Variants in EXOC4 observed in about 807,000 individuals in gnomAD.
The protein encoded by EXOC4 is exocyst complex component 4, also known as SEC8-like 1.
EXOC4 carries 71 observed loss-of-function variants against 107.2 expected under a neutral mutation model. The observed-to-expected ratio is 0.66, with a 90% CI of 0.55 to 0.81. The LOEUF is 0.81. Ranked by LOEUF, EXOC4 falls within the 30% of genes least tolerant of loss-of-function variation. EXOC4 has a pLI of 0.00. For missense variants in EXOC4, 1,108 were observed against 1,189.6 expected (o/e 0.93, Z 1.01); for synonymous variants, 456 against 441.2 (o/e 1.03, Z -0.42).
chr7:133,807,347 A>C (rs150131090), intron 10 of EXOC4, among the ~76,000 whole-genome samples: 1 of 152,332 alleles, frequency 6.6e-6, no homozygotes, highest in East Asian at 1.9e-4. Context: ...CTCTTTGATC[A>C]GGACGTGGTA....
At chr7:133,803,453 C>G (rs561750814) in intron 10 of EXOC4, among the ~76,000 whole-genome samples, 13 of 152,204 alleles carry the variant, frequency 8.5e-5, no homozygotes, top group African/African-American at 2.9e-4. Flanking sequence ...CACCTGATTG[C>G]AGACATTGAC....
In EXOC4 at chr7:133,581,161, AT is replaced by A. The variant is rs539807304; in HGVS notation, c.1418-48881del. Among the ~76,000 whole-genome samples the A allele has an allele frequency of 5.1e-3, 775 of 152,260 alleles. 3 individuals carry two copies. The highest frequency in any genetic ancestry group is 0.011 in the Admixed American group (162 of 15,288). ...GTTTGGACCCCCCAACTGTTCTCTGATTTATTAACACTGGCTCAGAATTATG... is the reference window on the plus strand; with the variant it reads ...GTTTGGACCCCCCAACTGTTCTCTGATTATTAACACTGGCTCAGAATTATG... On this transcript the variant is annotated intron_variant, in intron 9 of 17. Coordinates refer to ENST00000253861, the MANE Select transcript of EXOC4 (RefSeq NM_021807.4).
chr7:133,479,550 G>GC (rs1288230173), intron 8 of EXOC4: 1 of 153,412 alleles, frequency 6.5e-6, no homozygotes, highest in Non-Finnish European at 1.5e-5. Context: ...CTTTTCTGGT[G>GC]CTGTTATTCA....
At chr7:133,780,997 A>C (rs1168631828) in intron 10 of EXOC4, among the ~76,000 whole-genome samples, 1 of 152,210 alleles carries the variant, frequency 6.6e-6, no homozygotes, top group Non-Finnish European at 1.5e-5. Context: ...TGGGTAGATA[A>C]CCTTTTATTA....
chr7:133,794,032 G>A (rs1488379114), intron 10 of EXOC4, among the ~76,000 whole-genome samples: 2 of 151,916 alleles, frequency 1.3e-5, no homozygotes, highest in Non-Finnish European at 2.9e-5. Context: ...CATTTGCTAG[G>A]TCTTTCCCTC....
chr7:133,730,565 A>G (rs1267820849), intron 10 of EXOC4, among the ~76,000 whole-genome samples: 2 of 152,110 alleles, frequency 1.3e-5, no homozygotes, highest in Non-Finnish European at 2.9e-5. Flanking sequence ...CAGATTTCAC[A>G]TTCGCTTTGG....
At chr7:133,284,626 G>C (rs1383730917) in intron 2 of EXOC4, among the ~76,000 whole-genome samples, 1 of 152,142 alleles carries the variant, frequency 6.6e-6, no homozygotes, top group Non-Finnish European at 1.5e-5. Context: ...CCGCCTCCTG[G>C]ATTCATGCAA....
At chr7:133,608,546 CTT>C (rs1161155238) in intron 9 of EXOC4, among the ~76,000 whole-genome samples, 1,853 of 84,974 alleles carry the variant, frequency 0.022, 35 homozygotes, top group African/African-American at 0.082. Flanking sequence ...TGCTGTATTT[CTT>C]TTTTTTTTTT....
rs376353279 is a variant in EXOC4, at chr7:133,814,416, C to G, written c.1515-2909C>G. The stretch of plus-strand genomic sequence containing the variant: ...GTAAATATCCCACAGTTTATTTATT[C>G]CCTAATTGATGAACTTTTAGGTTAT... On this transcript the variant is annotated intron_variant, in intron 10 of 17. Transcript: ENST00000253861. Among the ~76,000 whole-genome samples the G allele has an allele frequency of 9.2e-5, 14 of 152,156 alleles. No individual in the cohort carries two copies. The East Asian group carries it at 2.5e-3, about 27-fold the overall frequency.
At chr7:133,530,111 C>A (rs966563191) in intron 9 of EXOC4, among the ~76,000 whole-genome samples, 3 of 152,136 alleles carry the variant, frequency 2.0e-5, no homozygotes, top group African/African-American at 7.2e-5. Flanking sequence ...CCATCTGATT[C>A]CAGAGCTCAG....
At chr7:133,887,513 C>T (rs977667113) in intron 11 of EXOC4, among the ~76,000 whole-genome samples, 1 of 152,084 alleles carries the variant, frequency 6.6e-6, no homozygotes, top group Admixed American at 6.5e-5. Context: ...AGTATTCGCC[C>T]AGTGTGAAAG....
intron 7 of EXOC4, among the ~76,000 whole-genome samples, chr7:133,384,981 G>A (rs909870652): frequency 6.6e-6 from 1 of 152,108 alleles, no homozygotes; most frequent in Non-Finnish European, 1.5e-5. Context: ...CGCATCTGCA[G>A]CATGGACTGG....
At chr7:133,674,420 A>T (rs185224289) in intron 10 of EXOC4, among the ~76,000 whole-genome samples, 1 of 152,192 alleles carries the variant, frequency 6.6e-6, no homozygotes, top group Admixed American at 6.5e-5. Flanking sequence ...TTTAAATTTT[A>T]TCACGATAAT....
At chr7:133,796,823 C>G (rs950159106) in intron 10 of EXOC4, among the ~76,000 whole-genome samples, 2 of 152,254 alleles carry the variant, frequency 1.3e-5, no homozygotes, top group Non-Finnish European at 1.5e-5. Flanking sequence ...CTGACTTCAT[C>G]GAAGGCTCCT....
chr7:134,061,386 G>C (rs1269855385), intron 17 of EXOC4, among the ~76,000 whole-genome samples: 1 of 152,202 alleles, frequency 6.6e-6, no homozygotes, highest in African/African-American at 2.4e-5. Context: ...GGTTGAAGGA[G>C]ACAGTGGTTC....
intron 17 of EXOC4, among the ~76,000 whole-genome samples, chr7:134,012,282 A>G (rs1414665018): frequency 6.6e-6 from 1 of 152,204 alleles, no homozygotes; most frequent in African/African-American, 2.4e-5. Flanking sequence ...AGAAGCAGGA[A>G]GCTCTGTTAG....
intron 4 of EXOC4, among the ~76,000 whole-genome samples, chr7:133,316,157 T>C (rs1794986585): frequency 6.6e-6 from 1 of 152,228 alleles, no homozygotes; most frequent in African/African-American, 2.4e-5. Context: ...TTGTTTTTTA[T>C]TGGATTATAA....
intron 7 of EXOC4, among the ~76,000 whole-genome samples, chr7:133,375,879 A>G (rs1185645532): frequency 6.6e-6 from 1 of 152,216 alleles, no homozygotes; most frequent in African/African-American, 2.4e-5. Flanking sequence ...ATGTGAGCAA[A>G]ATATATTTGA....
rs150670378 is a variant in EXOC4, at chr7:133,849,807, A to G, written c.1734+32263A>G. Among the ~76,000 whole-genome samples the G allele has an allele frequency of 3.9e-5, 6 of 152,356 alleles. No individual in the cohort carries two copies. In the East Asian group the frequency reaches 1.2e-3, roughly 29 times the overall value. On this transcript the variant is annotated intron_variant, in intron 11 of 17. Coordinates refer to ENST00000253861, the MANE Select transcript of EXOC4 (RefSeq NM_021807.4). ...TTAGATGACTGAATGAATCAATCCA[A>G]TCTTCTGCATTCTTACCAAATTAAT...
Sources: gnomAD v4.1 joint callset for allele counts (sites outside exome capture counted in the v4.1 genomes callset) on GRCh38, gnomAD v4.1.1 for gene constraint, MANE v1.5 for transcripts, NCBI Gene and HGNC (gene_info 2026-07-23, HGNC 2026-07-21) for gene names.